HNRNPF: variants seen among roughly 807,000 people sequenced by gnomAD.
HNRNPF encodes HnRNP F protein.
HNRNPF carries 2 observed loss-of-function variants against 26.0 expected under a neutral mutation model. The observed-to-expected ratio is 0.08, with a 90% CI of 0.03 to 0.24. The LOEUF (loss-of-function observed/expected upper bound fraction) is 0.24. HNRNPF is among the 10% of genes least tolerant of loss of function. The probability of loss-of-function intolerance (pLI) is 1.00; values close to 1 mark genes in which losing one functional copy is unlikely to be tolerated. For synonymous variants in HNRNPF, 234 were observed against 211.5 expected, an observed-to-expected ratio of 1.11 and a Z score of -0.92; for missense variants, 299 against 539.2, an observed-to-expected ratio of 0.55 and a Z score of 4.41.
At chr10:43,402,384 A>T (rs1259650522) in intron 1 of HNRNPF, among the ~76,000 whole-genome samples, 1 of 68,612 alleles carries the variant, frequency 1.5e-5, no homozygotes, top group Non-Finnish European at 2.5e-5. Context: ...TTCACTTCTA[A>T]TCCTTTATCG....
intron 1 of HNRNPF, among the ~76,000 whole-genome samples, chr10:43,398,225 C>T (rs1296095855): frequency 1.3e-5 from 2 of 152,156 alleles, no homozygotes; most frequent in African/African-American, 4.8e-5. Flanking sequence ...GTGGTTTCAC[C>T]GTGTTGGCTA....
intron 1 of HNRNPF, among the ~76,000 whole-genome samples, chr10:43,398,200 G>GT (rs1838629773): frequency 1.3e-5 from 2 of 151,874 alleles, no homozygotes; most frequent in Admixed American, 6.6e-5. Flanking sequence ...GCTAGTTTTT[G>GT]TTTTTAGTAG....
At chr10:43,397,069 G>A (rs955123135) in intron 1 of HNRNPF, 1 of 151,898 alleles carries the variant, frequency 6.6e-6, no homozygotes, top group Non-Finnish European at 1.5e-5. Context: ...GGAGGGAAGG[G>A]AAGAGGCGCT....
At chr10:43,404,325 A>G (rs966253151) in intron 1 of HNRNPF, among the ~76,000 whole-genome samples, 3 of 151,834 alleles carry the variant, frequency 2.0e-5, no homozygotes, top group African/African-American at 7.3e-5. Flanking sequence ...AAGGAAAACA[A>G]AAACAAAAGT....
chr10:43,387,950 A>G lies in HNRNPF; in HGVS notation c.-52-14T>C. The G allele has an allele frequency of 7.1e-7, 1 of 1,409,386 alleles. No individual in the cohort carries two copies. Among genetic ancestry groups the G allele is most frequent in the East Asian group, 2.3e-5 (1 of 43,342 alleles). The allele number at this position is 1,409,386 out of a possible 1,614,324, so 87.3% of individuals were successfully genotyped here. ...GCTTTTTTGTGGCTGGAAAAAAAAA[A>G]AAGAAAAATTTATTTAGTATGCAAC... On this transcript the variant is annotated splice_polypyrimidine_tract_variant and intron_variant, in intron 3 of 3. Coordinates refer to ENST00000682386, the MANE Select transcript of HNRNPF (RefSeq NM_001098204.2). This position sits in a 1 kb window ranked among gnomAD's most constrained non-coding sequence, Gnocchi z 6.0.
chr10:43,405,831 C>A (rs527574551), intron 1 of HNRNPF, among the ~76,000 whole-genome samples: 12 of 152,186 alleles, frequency 7.9e-5, no homozygotes, highest in Admixed American at 2.0e-4. Flanking sequence ...GTAAAATAAG[C>A]CAGGGCGGTC....
In HNRNPF at chr10:43,403,215, G is replaced by A. The variant is rs1349250837; in HGVS notation, c.-247+5916C>T. On this transcript the variant is annotated intron_variant, in intron 1 of 3. Coordinates refer to ENST00000682386, the MANE Select transcript of HNRNPF (RefSeq NM_001098204.2). Reference sequence around the variant, plus strand: ...GTATTTTTAGTAGAGATGGGGTTTCGCCACATTGGCCAGGCTGGTCTTGGA... The same window carrying A: ...GTATTTTTAGTAGAGATGGGGTTTCACCACATTGGCCAGGCTGGTCTTGGA... 7.9e-5 allele frequency among the ~76,000 whole-genome samples: 12 copies of A among 152,112 alleles called. 1 individual carries two copies. Among genetic ancestry groups the A allele is most frequent in the African/African-American group, 2.9e-4 (12 of 41,496 alleles).
At chr10:43,408,376 G>A (rs1217362080) in intron 1 of HNRNPF, among the ~76,000 whole-genome samples, 1 of 152,132 alleles carries the variant, frequency 6.6e-6, no homozygotes, top group African/African-American at 2.4e-5. Flanking sequence ...TGCGTCTCCC[G>A]ATCCCAGTGG....
At chr10:43,407,659 C>G (rs1488223678) in intron 1 of HNRNPF, 2 of 151,998 alleles carry the variant, frequency 1.3e-5, no homozygotes, top group Non-Finnish European at 1.5e-5. Flanking sequence ...AAAAAAAGGA[C>G]GACTAAGCTG....
chr10:43,406,929 TTTTATAG>T (rs1838937513), intron 1 of HNRNPF, among the ~76,000 whole-genome samples: 1 of 152,192 alleles, frequency 6.6e-6, no homozygotes. Flanking sequence ...TAATGTCTTA[TTTTATAG>T]TTTATAAATT....
At chr10:43,403,780 C>A (rs933038387) in intron 1 of HNRNPF, among the ~76,000 whole-genome samples, 5 of 151,770 alleles carry the variant, frequency 3.3e-5, no homozygotes, top group Non-Finnish European at 5.9e-5. Flanking sequence ...GGGCAGATCA[C>A]TTGAGCTCAG....
chr10:43,387,960 T>A lies in HNRNPF; in HGVS notation c.-52-24A>T. 1 of 1,244,174 alleles carries A rather than the reference T, an allele frequency of 8.0e-7. No homozygotes were observed. The highest frequency in any genetic ancestry group is 1.1e-6 in the Non-Finnish European group (1 of 893,282). 77.1% of individuals were successfully genotyped at this position (1,244,174 alleles called of 1,614,324 possible). On this transcript the variant is annotated intron_variant, in intron 3 of 3. Transcript: ENST00000682386. The surrounding 1 kb of genome is among the most constrained non-coding windows in gnomAD (Gnocchi z 6.0). ...GGCTGGAAAAAAAAAAAAGAAAAAT[T>A]TATTTAGTATGCAACAGAAATTTTC... is the stretch of plus-strand genomic sequence containing the variant.
At chr10:43,393,198 T>C (rs184810936) in intron 3 of HNRNPF, among the ~76,000 whole-genome samples, 3 of 152,368 alleles carry the variant, frequency 2.0e-5, no homozygotes, top group Admixed American at 1.3e-4. Flanking sequence ...ATGGGAGTTA[T>C]CAAATTGTCA....
At chr10:43,398,758 A>G (rs1475017498) in intron 1 of HNRNPF, among the ~76,000 whole-genome samples, 1 of 151,786 alleles carries the variant, frequency 6.6e-6, no homozygotes, top group African/African-American at 2.4e-5. Context: ...GGCTCAAGCA[A>G]GCCTCCAACC....
intron 1 of HNRNPF, chr10:43,396,894 G>C (rs1838553143): frequency 2.7e-5 from 1 of 37,382 alleles, no homozygotes; most frequent in Admixed American, 1.9e-4. Flanking sequence ...TCGCGGGAGG[G>C]GGAGGGGAGG....
Position 43,386,874 on chromosome 10 carries a change from A to G in HNRNPF, c.1011T>C (p.Thr337=). ...VTGEADVEFA[T]HEEAVAAMSK... Reference sequence around the variant, plus strand: ...ACATAGCTGCCACAGCTTCTTCATGAGTAGCAAACTCAACATCTGCTTCAC... The same window carrying G: ...ACATAGCTGCCACAGCTTCTTCATGGGTAGCAAACTCAACATCTGCTTCAC... The change falls in exon 4 of 4, where the codon ACT becomes ACC. Residue 337 remains threonine (T), a synonymous_variant. Coordinates refer to ENST00000682386, the MANE Select transcript of HNRNPF (RefSeq NM_001098204.2). 1 of 1,614,218 alleles carries G rather than the reference A, an allele frequency of 6.2e-7. No individual in the cohort carries two copies.
At chr10:43,406,245 C>T (rs540126202) in intron 1 of HNRNPF, among the ~76,000 whole-genome samples, 1 of 152,164 alleles carries the variant, frequency 6.6e-6, no homozygotes, top group Non-Finnish European at 1.5e-5. Context: ...CAGGCATCTA[C>T]CCCCACCGGG....
At chr10:43,402,367 A>G (rs1442189397) in intron 1 of HNRNPF, among the ~76,000 whole-genome samples, 2 of 133,798 alleles carry the variant, frequency 1.5e-5, no homozygotes, top group Non-Finnish European at 3.1e-5. Context: ...ATCTTAAGCC[A>G]GGAAAATTCA....
intron 1 of HNRNPF, among the ~76,000 whole-genome samples, chr10:43,402,361 T>C (rs951785970): frequency 1.4e-5 from 2 of 141,952 alleles, no homozygotes; most frequent in Non-Finnish European, 3.0e-5. Flanking sequence ...ACAGGGATCT[T>C]AAGCCAGGAA....
Sources: gnomAD v4.1 joint callset for allele counts (sites outside exome capture counted in the v4.1 genomes callset) on GRCh38, gnomAD v4.1.1 for gene constraint, Gnocchi (gnomAD v3.1) non-coding constraint, MANE v1.5 for transcripts, NCBI Gene and HGNC (gene_info 2026-07-23, HGNC 2026-07-21) for gene names.